Variants in WDR11 observed in about 807,000 individuals in gnomAD.
WDR11 encodes the protein WD repeat domain 11.
WDR11 carries 83 observed loss-of-function variants against 151.2 expected under a neutral mutation model. The ratio of observed to expected loss-of-function variants is 0.55; its 90% CI spans 0.46 to 0.66. WDR11 has a LOEUF of 0.66. Among genes scored for constraint, WDR11 ranks in the 30% least tolerant of loss-of-function variants. WDR11 has a pLI of 0.00. For synonymous variants in WDR11, 484 were observed against 533.1 expected (o/e 0.91, Z 1.27); for missense variants, 1,301 against 1,480.9 (o/e 0.88, Z 1.99).
intron 20 of WDR11, among the ~76,000 whole-genome samples, chr10:120,900,457 G>C (rs112381833): frequency 6.6e-6 from 1 of 152,042 alleles, no homozygotes; most frequent in Non-Finnish European, 1.5e-5. Flanking sequence ...ATTTGGAGCC[G>C]GGCACGTTCT....
At chr10:120,876,406 G>A (rs757987930) in intron 11 of WDR11, among the ~76,000 whole-genome samples, 8 of 152,152 alleles carry the variant, frequency 5.3e-5, no homozygotes, top group Non-Finnish European at 4.4e-5. Flanking sequence ...GCCACCTTAC[G>A]CTGTTCCTAT....
At chr10:120,908,433 G>A in intron 28 of WDR11, 123 bp from the exon 29 acceptor site, 1 of 1,013,212 alleles carries the variant, frequency 9.9e-7, no homozygotes, top group Non-Finnish European at 1.5e-6. Context: ...TGCCCGCTGT[G>A]GACACCAGGT....
At chr10:120,851,845 C>T (rs767656397) in intron 1 of WDR11, 3 of 434,592 alleles carry the variant, frequency 6.9e-6, no homozygotes, top group African/African-American at 2.0e-5. Flanking sequence ...TCCCTGTGCA[C>T]TTTCTCTTTC....
rs1442072800 is a variant in WDR11, at chr10:120,909,356, T to A, written c.*643T>A. ...GGTCTTTGATATTTTGAATTTTAAC[T>A]CCTTTTATGATACATCACAGTAACC... is the stretch of plus-strand genomic sequence containing the variant. On this transcript the variant is annotated 3_prime_UTR_variant, in exon 29 of 29. Transcript: ENST00000263461. 6.5e-6 allele frequency: 1 copy of A among 153,494 alleles called. No homozygotes were observed. The highest frequency in any genetic ancestry group is 1.5e-5 in the Non-Finnish European group (1 of 68,646). 9.5% of individuals were successfully genotyped at this position (153,494 alleles called of 1,614,324 possible).
intron 24 of WDR11, 140 bp downstream of exon 24, chr10:120,904,282 C>G (rs1179220446): frequency 1.4e-6 from 1 of 721,284 alleles, no homozygotes; most frequent in Admixed American, 2.6e-5. Flanking sequence ...TTTAGGCTTT[C>G]TTTCAAAATA....
intron 14 of WDR11, among the ~76,000 whole-genome samples, chr10:120,884,802 G>A (rs1325709098): frequency 6.6e-6 from 1 of 152,124 alleles, no homozygotes; most frequent in African/African-American, 2.4e-5. Flanking sequence ...TCTGTGAAGA[G>A]CTAATGAGAG....
At chr10:120,856,167 T>C (rs1845938001) in intron 2 of WDR11, 1 of 152,232 alleles carries the variant, frequency 6.6e-6, no homozygotes, top group Non-Finnish European at 1.5e-5. Flanking sequence ...ATTGGTTGAT[T>C]CTCTTAGCTT....
intron 9 of WDR11, among the ~76,000 whole-genome samples, chr10:120,869,106 G>GTGT (rs1846423314): frequency 1.2e-5 from 1 of 82,014 alleles, no homozygotes; most frequent in African/African-American, 4.3e-5. Context: ...TAAATTACAG[G>GTGT]TTTTTTTTTT....
chr10:120,878,000 A>G (rs890165757), intron 11 of WDR11, among the ~76,000 whole-genome samples: 1 of 152,110 alleles, frequency 6.6e-6, no homozygotes, highest in Non-Finnish European at 1.5e-5. Flanking sequence ...GTATATGTAG[A>G]TTTTCTTAGG....
intron 13 of WDR11, 32 bp downstream of exon 13, chr10:120,880,933 G>A (rs552146986): frequency 1.3e-6 from 2 of 1,549,830 alleles, no homozygotes; most frequent in Admixed American, 1.8e-5. Flanking sequence ...AATCTATGGT[G>A]TTATCACAAT....
At chr10:120,903,787 A>G (rs1465437077) in intron 23 of WDR11, among the ~76,000 whole-genome samples, 1 of 152,104 alleles carries the variant, frequency 6.6e-6, no homozygotes, top group Non-Finnish European at 1.5e-5. Context: ...AGAATCCTTC[A>G]GTGCACATAG....
In WDR11 at chr10:120,888,797, CT is replaced by C. The variant is rs908696195; in HGVS notation, c.2122-271del. On this transcript the variant is annotated intron_variant, in intron 16 of 28. Coordinates refer to ENST00000263461, the MANE Select transcript of WDR11 (RefSeq NM_018117.12). Reference sequence around the variant, plus strand: ...CTGTTTTTCTTACTTTAATTTCCCCCTTTTTTTTTTGAGGTATTTGTTCCTC... The same window carrying C: ...CTGTTTTTCTTACTTTAATTTCCCCCTTTTTTTTTGAGGTATTTGTTCCTC... Among the ~76,000 whole-genome samples the C allele has an allele frequency of 4.1e-3, 621 of 150,504 alleles. 2 individuals carry two copies. The highest frequency in any genetic ancestry group is 0.013 in the African/African-American group (518 of 41,232).
rs1432377239 is a variant in WDR11, at chr10:120,899,796, A to C, written c.2516-233A>C. 39 of 561,250 alleles carry C rather than the reference A, an allele frequency of 6.9e-5. No individual in the cohort carries two copies. The South Asian group carries it at 8.2e-4, about 12-fold the overall frequency. 34.8% of individuals were successfully genotyped at this position (561,250 alleles called of 1,614,324 possible). A position where few individuals can be genotyped will look rare whatever the true frequency, so the allele number is the denominator to read the frequency against. On this transcript the variant is annotated intron_variant, in intron 19 of 28. Coordinates refer to ENST00000263461, the MANE Select transcript of WDR11 (RefSeq NM_018117.12). Reference sequence around the variant, plus strand: ...AGGCTTTGTCTCAAAAAAAAAATAAAATAAAAAATCAAAAAAGGGGGAAAA... The same window carrying C: ...AGGCTTTGTCTCAAAAAAAAAATAACATAAAAAATCAAAAAAGGGGGAAAA...
At chr10:120,880,441 C>G in intron 12 of WDR11, 1 of 205,506 alleles carries the variant, frequency 4.9e-6, no homozygotes, top group Non-Finnish European at 1.0e-5. Flanking sequence ...AGATGGATCA[C>G]TAGAGGTTAG....
chr10:120,886,768 G>T lies in WDR11; in HGVS notation c.2053G>T (p.Asp685Tyr). 6.2e-7 allele frequency: 1 copy of T among 1,614,006 alleles called. No homozygotes were observed. Among genetic ancestry groups the T allele is most frequent in the Non-Finnish European group, 8.5e-7 (1 of 1,179,978 alleles). ...AREHFVFTDIDGQVYHLTVEG... is the reference protein window; with the variant it reads ...AREHFVFTDIYGQVYHLTVEG... Reference sequence around the variant, plus strand: ...GGAACATTTTGTATTTACCGATATTGATGGCCAAGTGTATCATCTCACTGT... The same window carrying T: ...GGAACATTTTGTATTTACCGATATTTATGGCCAAGTGTATCATCTCACTGT... Residue 685 changes from aspartate (D) to tyrosine (Y), a missense_variant, in exon 16 of 29, where the codon GAT (aspartate) becomes TAT (tyrosine). By Grantham distance (160) the Asp-to-Tyr change is radical. Around this residue, in one of 3 missense-constraint regions of WDR11, gnomAD observed 589 missense variants for 670.6 expected, o/e 0.88. Coordinates refer to ENST00000263461, the MANE Select transcript of WDR11 (RefSeq NM_018117.12).
intron 4 of WDR11, among the ~76,000 whole-genome samples, chr10:120,861,290 A>G (rs1846129950): frequency 1.3e-5 from 2 of 152,326 alleles, no homozygotes; most frequent in South Asian, 2.1e-4. Flanking sequence ...TGAAATTATA[A>G]TAACATGGGA....
chr10:120,906,626 A>G (rs1848059532), intron 27 of WDR11, 150 bp from the exon 28 acceptor site: 1 of 1,504,912 alleles, frequency 6.6e-7, no homozygotes, highest in South Asian at 1.3e-5. Flanking sequence ...TCCTTTTTTC[A>G]ACAAACTAGG....
In WDR11 at chr10:120,851,380, T is replaced by C. The variant is rs757876529; in HGVS notation, c.-41T>C. ...CGGAAGCACAGTGTCCGCCGCTTCC[T>C]GGTTGCGGGTCAGCGCCCAGGTCCT... On this transcript the variant is annotated 5_prime_UTR_variant, in exon 1 of 29. Coordinates refer to ENST00000263461, the MANE Select transcript of WDR11 (RefSeq NM_018117.12). 168 of 1,577,348 alleles carry C rather than the reference T, an allele frequency of 1.1e-4. No individual in the cohort carries two copies. Among genetic ancestry groups the C allele is most frequent in the Non-Finnish European group, 1.4e-4 (160 of 1,158,012 alleles).
chr10:120,855,411 G>A (rs1845913885), intron 2 of WDR11, among the ~76,000 whole-genome samples: 1 of 151,734 alleles, frequency 6.6e-6, no homozygotes, highest in African/African-American at 2.4e-5. Context: ...TGTTTGGATT[G>A]ATACATGATT....
Sources: allele counts gnomAD v4.1 joint callset (sites outside exome capture counted in the v4.1 genomes callset), GRCh38; gene constraint gnomAD v4.1.1; regional missense constraint gnomAD v4.1.1; transcripts MANE v1.5; gene names NCBI Gene and HGNC (gene_info 2026-07-23, HGNC 2026-07-21).